The following SFTPD variants were observed in gnomAD, a reference collection of about 807,000 sequenced individuals.
The protein encoded by SFTPD is surfactant protein D, also known as pulmonary surfactant-associated protein D.
SFTPD carries 18 observed loss-of-function variants against 34.6 expected under a neutral mutation model. The ratio of observed to expected loss-of-function variants is 0.52; its 90% CI spans 0.36 to 0.77. SFTPD has a LOEUF of 0.77. Among genes scored for constraint, SFTPD ranks in the 30% least tolerant of loss-of-function variants. The pLI is 0.00. For synonymous variants in SFTPD, 155 were observed against 180.9 expected (o/e 0.86, Z 1.15); for missense variants, 433 against 468.9 (o/e 0.92, Z 0.71).
intron 1 of SFTPD, among the ~76,000 whole-genome samples, chr10:79,955,544 C>A (rs370397829): frequency 6.6e-6 from 1 of 152,160 alleles, no homozygotes; most frequent in Non-Finnish European, 1.5e-5. Context: ...TCCTCCACCC[C>A]CTCTCTCCAC....
In SFTPD at chr10:79,967,533, C is replaced by T. The variant is rs1164583594; in HGVS notation, c.36+15042G>A. 4.2e-5 allele frequency among the ~76,000 whole-genome samples: 6 copies of T among 141,222 alleles called. 1 individual carries two copies. Among genetic ancestry groups the T allele is most frequent in the African/African-American group, 1.1e-4 (4 of 36,026 alleles). 92.6% of individuals were successfully genotyped at this position (141,222 alleles called of 152,430 possible). ...CAAAAGAACAAAGCTGGAGGCATCA[C>T]ACTACCTGACTTCAAATTATACTAC... On this transcript the variant is annotated intron_variant, in intron 1 of 5. Transcript: ENST00000444384.
At chr10:79,951,861 CCCAAT>C (rs1842712136), upstream of SFTPD, among the ~76,000 whole-genome samples, 1 of 152,118 alleles carries the variant, frequency 6.6e-6, no homozygotes. Context: ...CCTGGGAAAC[CCCAAT>C]TATGAGCAGA....
chr10:79,980,669 ACTGT>A lies in SFTPD; in HGVS notation c.36+1902_36+1905del, dbSNP rs566367918. 4.8e-4 allele frequency among the ~76,000 whole-genome samples: 73 copies of A among 152,318 alleles called. No individual in the cohort carries two copies. The Middle Eastern group carries it at 0.01, about 21-fold the overall frequency. ...AGAAGGTATGGGAAGAGAACAAGAGACTGTCTGGTAATCCAGGGACTTCTCTCAG... is the reference window on the plus strand; with the variant it reads ...AGAAGGTATGGGAAGAGAACAAGAGACTGGTAATCCAGGGACTTCTCTCAG... On this transcript the variant is annotated intron_variant, in intron 1 of 5. Coordinates refer to the SFTPD transcript ENST00000444384.
At chr10:79,964,152 AAAGGACTACTCATC>A (rs1325326865) in intron 1 of SFTPD, among the ~76,000 whole-genome samples, 4 of 152,162 alleles carry the variant, frequency 2.6e-5, no homozygotes, top group African/African-American at 9.7e-5. Flanking sequence ...CACTCTTGCA[AAAGGACTACTCATC>A]AATATTTATA....
chr10:79,946,340 C>T (rs1379280654), intron 2 of SFTPD, 121 bp downstream of exon 2: 1 of 774,620 alleles, frequency 1.3e-6, no homozygotes, highest in Non-Finnish European at 2.1e-6. Flanking sequence ...TGGAACTCGC[C>T]TTCTTGGGAG....
chr10:79,939,913 A>C (rs1842594751), intron 7 of SFTPD, among the ~76,000 whole-genome samples: 1 of 152,194 alleles, frequency 6.6e-6, no homozygotes, highest in Non-Finnish European at 1.5e-5. Flanking sequence ...CCAGGCCCTC[A>C]GCTGTGTGTC....
intron 1 of SFTPD, among the ~76,000 whole-genome samples, chr10:79,978,325 T>C (rs1322667384): frequency 1.3e-5 from 2 of 152,176 alleles, no homozygotes; most frequent in South Asian, 2.1e-4. Context: ...TTAAACATTC[T>C]TTCATCATAA....
chr10:79,942,511 A>G lies in SFTPD; in HGVS notation c.317-7T>C. The stretch of plus-strand genomic sequence containing the variant: ...CCGGGAGGTCCTGGAGGTCCTGAGC[A>G]AAAGCACCAGCCCGGTCAGTAACAA... On this transcript the variant is annotated splice_region_variant and splice_polypyrimidine_tract_variant and intron_variant, in intron 3 of 7. Transcript: ENST00000372292. 2 of 1,575,534 alleles carry G rather than the reference A, an allele frequency of 1.3e-6. No individual in the cohort carries two copies. The highest frequency in any genetic ancestry group is 1.7e-6 in the Non-Finnish European group (2 of 1,145,000).
At chr10:79,976,605 A>G (rs12218540) in intron 1 of SFTPD, among the ~76,000 whole-genome samples, 9,127 of 152,122 alleles carry the variant, frequency 0.06, 599 homozygotes, top group East Asian at 0.39. Flanking sequence ...AAAGGGAAAA[A>G]CCCTGAGGAT....
chr10:79,958,611 G>A (rs57801694), intron 1 of SFTPD, among the ~76,000 whole-genome samples: 29,853 of 151,988 alleles, frequency 0.2, 3,706 homozygotes, highest in East Asian at 0.56. Context: ...AAATATATAC[G>A]CACCCAATAC....
chr10:79,941,949 C>T lies in SFTPD; in HGVS notation c.550+5G>A, dbSNP rs773471844. The T allele has an allele frequency of 2.5e-6, 4 of 1,591,838 alleles. No homozygotes were observed. The highest frequency in any genetic ancestry group is 3.4e-6 in the Non-Finnish European group (4 of 1,160,664). On this transcript the variant is annotated splice_donor_5th_base_variant and intron_variant, in intron 5 of 7. Coordinates refer to ENST00000372292, the MANE Select transcript of SFTPD (RefSeq NM_003019.5). ...CAGCCCAGCCCAGCTCTTTCCACTG[C>T]TCACCTGCTGCCCCTGTGTTTCCAG...
chr10:79,940,747 G>A lies in SFTPD; in HGVS notation c.709C>T (p.Gln237Ter), dbSNP rs779256881. 4 of 1,612,440 alleles carry A rather than the reference G, an allele frequency of 2.5e-6. No individual in the cohort carries two copies. The highest frequency in any genetic ancestry group is 2.2e-5 in the East Asian group (1 of 44,856). Residue 237 changes from glutamine to a stop codon, truncating the protein, a stop_gained, in exon 7 of 8, where the codon CAA becomes TAA. Transcript: ENST00000372292. LOFTEE classifies it low-confidence loss of function (END_TRUNC). ...AAAGCAGCCTGGAGGTGCTGTACTT[G>A]TCCCTGTAAGGCCTCAACCTGCTGC... The part of the protein sequence containing the change: ...LRQQVEALQG[Q>*]VQHLQAAFSQ...
At chr10:79,977,062 C>T (rs951367298) in intron 1 of SFTPD, among the ~76,000 whole-genome samples, 2 of 152,170 alleles carry the variant, frequency 1.3e-5, no homozygotes, top group African/African-American at 4.8e-5. Context: ...TCCAATTAAG[C>T]CTCTTTTTCT....
At chr10:79,943,183 G>A (rs1175161207) in intron 2 of SFTPD, among the ~76,000 whole-genome samples, 2 of 152,120 alleles carry the variant, frequency 1.3e-5, no homozygotes, top group Non-Finnish European at 2.9e-5. Flanking sequence ...GCTCTTACCT[G>A]TGATCATGGA....
chr10:79,942,130 T>C, intron 4 of SFTPD, 60 bp from the exon 5 acceptor site: 1 of 1,264,922 alleles, frequency 7.9e-7, no homozygotes, highest in Non-Finnish European at 1.1e-6. Context: ...GGTGTGGTTT[T>C]GTTAGCAATG....
upstream of SFTPD, among the ~76,000 whole-genome samples, chr10:79,952,645 C>T (rs1026362827): frequency 1.3e-5 from 2 of 152,162 alleles, no homozygotes; most frequent in African/African-American, 4.8e-5. Context: ...CACCCGTCCC[C>T]TGTGGTTGCT....
intron 4 of SFTPD, 143 bp from the exon 5 acceptor site, chr10:79,942,213 G>C: frequency 1.3e-6 from 1 of 756,554 alleles, no homozygotes; most frequent in Non-Finnish European, 2.2e-6. Context: ...GGGCTCCTCT[G>C]TGGAGGGTGA....
At chr10:79,943,706 A>G (rs1160496725) in intron 2 of SFTPD, among the ~76,000 whole-genome samples, 1 of 152,192 alleles carries the variant, frequency 6.6e-6, no homozygotes, top group Non-Finnish European at 1.5e-5. Context: ...ACCTGGAAAC[A>G]TCTGAATTCC....
At chr10:79,969,999 A>T (rs978265459) in intron 1 of SFTPD, 1 of 152,132 alleles carries the variant, frequency 6.6e-6, no homozygotes, top group Non-Finnish European at 1.5e-5. Context: ...TTCTTCTAGT[A>T]GTTTTTTCAG....
Sources: allele counts gnomAD v4.1 joint callset (sites outside exome capture counted in the v4.1 genomes callset), GRCh38; gene constraint gnomAD v4.1.1; transcripts MANE v1.5; gene names NCBI Gene and HGNC (gene_info 2026-07-23, HGNC 2026-07-21).